Variants in RBFOX1 observed in about 807,000 individuals in gnomAD.
The protein encoded by RBFOX1 is RNA binding protein fox-1 homolog 1.
RBFOX1 carries 8 observed loss-of-function variants against 57.7 expected under a neutral mutation model. That is an observed-to-expected ratio of 0.14 (90% confidence interval 0.08 to 0.25). The LOEUF (loss-of-function observed/expected upper bound fraction) is 0.25. Ranked by LOEUF, RBFOX1 falls within the 10% of genes least tolerant of loss-of-function variation. The pLI is 1.00. For synonymous variants in RBFOX1, 326 were observed against 222.4 expected (o/e 1.47, Z -4.15); for missense variants, 611 against 548.5 (o/e 1.11, Z -1.14).
chr16:7,404,235 T>C (rs1181026222), intron 4 of RBFOX1, among the ~76,000 whole-genome samples: 1 of 151,936 alleles, frequency 6.6e-6, no homozygotes, highest in Non-Finnish European at 1.5e-5. Flanking sequence ...GTATTTTTAG[T>C]ACAGACGGGG....
At chr16:5,311,794 A>G (rs7197326) in intron 1 of RBFOX1, among the ~76,000 whole-genome samples, 37,738 of 152,142 alleles carry the variant, frequency 0.25, 5,362 homozygotes, top group African/African-American at 0.4. Flanking sequence ...GGGAATAATT[A>G]CAGATGCGTT....
intron 3 of RBFOX1, among the ~76,000 whole-genome samples, chr16:5,732,762 C>T (rs2052426889): frequency 6.6e-6 from 1 of 152,146 alleles, no homozygotes. Context: ...TCTCCCAGGT[C>T]CTAGGGGAGG....
chr16:6,255,935 A>G lies in RBFOX1; in HGVS notation c.-126-61060A>G, dbSNP rs111368881. ...GGGAGAGCGTTAGGACAAATACCTA[A>G]TGCATGCGGGGCTTAAAACCTAGAT... On this transcript the variant is annotated intron_variant, in intron 1 of 15. Coordinates refer to ENST00000550418, the MANE Select transcript of RBFOX1 (RefSeq NM_018723.4). Among the ~76,000 whole-genome samples the G allele has an allele frequency of 5.8e-3, 879 of 151,544 alleles. 8 individuals are homozygous for G. Among genetic ancestry groups the G allele is most frequent in the African/African-American group, 0.02 (810 of 41,340 alleles).
At chr16:5,935,346 G>T (rs147906577) in intron 4 of RBFOX1, among the ~76,000 whole-genome samples, 50 of 152,208 alleles carry the variant, frequency 3.3e-4, no homozygotes, top group African/African-American at 1.1e-3. Context: ...TCCATCCTGC[G>T]TGTGGCAGAG....
chr16:7,340,169 C>G (rs544015650), intron 4 of RBFOX1, among the ~76,000 whole-genome samples: 2 of 152,320 alleles, frequency 1.3e-5, no homozygotes, highest in East Asian at 3.9e-4. Context: ...GAGGCCAGAT[C>G]AGGGACCTCT....
chr16:7,112,239 G>C (rs1204465881), intron 4 of RBFOX1, among the ~76,000 whole-genome samples: 1 of 152,116 alleles, frequency 6.6e-6, no homozygotes, highest in East Asian at 1.9e-4. Context: ...GATGGGGTCT[G>C]TCTTCCAGGC....
At chr16:7,572,041 C>T (rs1049179510) in intron 5 of RBFOX1, among the ~76,000 whole-genome samples, 2 of 152,072 alleles carry the variant, frequency 1.3e-5, no homozygotes, top group African/African-American at 2.4e-5. Context: ...GCAGGAGAAT[C>T]GCTTGAACCT....
At chr16:6,830,929 C>A (rs2092662133) in intron 3 of RBFOX1, among the ~76,000 whole-genome samples, 1 of 152,168 alleles carries the variant, frequency 6.6e-6, no homozygotes, top group Admixed American at 6.5e-5. Context: ...GGTCATATAG[C>A]CTGTTGTGAA....
At chr16:6,283,922 G>T (rs901647467) in intron 1 of RBFOX1, among the ~76,000 whole-genome samples, 2 of 152,182 alleles carry the variant, frequency 1.3e-5, no homozygotes, top group Non-Finnish European at 2.9e-5. Flanking sequence ...TTCTTATTTG[G>T]AGGGAACAAG....
chr16:6,440,349 A>G (rs930678233), intron 2 of RBFOX1, among the ~76,000 whole-genome samples: 1 of 152,158 alleles, frequency 6.6e-6, no homozygotes, highest in Admixed American at 6.5e-5. Context: ...GAAGATGGAG[A>G]GAGTAGTACT....
intron 4 of RBFOX1, among the ~76,000 whole-genome samples, chr16:7,361,547 G>T (rs2097321173): frequency 6.6e-6 from 1 of 152,202 alleles, no homozygotes; most frequent in Admixed American, 6.5e-5. Flanking sequence ...AAGGTGGCAG[G>T]TGGCTAAGGA....
rs150194735 is a variant in RBFOX1, at chr16:7,268,391, T to G, written c.27+216293T>G. Among the ~76,000 whole-genome samples, 876 of 152,280 alleles carry G rather than the reference T, an allele frequency of 5.8e-3. 4 individuals carry two copies. Among genetic ancestry groups the G allele is most frequent in the South Asian group, 0.022 (105 of 4,828 alleles). ...GCAGCCTTGGAGGACTCGCTCTCAC[T>G]CTTACTGGTTTTCGATGCCTGAGTT... On this transcript the variant is annotated intron_variant, in intron 4 of 15. Coordinates refer to ENST00000550418, the MANE Select transcript of RBFOX1 (RefSeq NM_018723.4).
intron 2 of RBFOX1, among the ~76,000 whole-genome samples, chr16:6,557,034 C>CACATATATAT (rs1329360578): frequency 1.4e-5 from 1 of 71,040 alleles, no homozygotes; most frequent in Non-Finnish European, 3.2e-5. Flanking sequence ...TACATATATA[C>CACATATATAT]ACATATATAT....
At chr16:5,958,193 C>T (rs547803081) in intron 4 of RBFOX1, among the ~76,000 whole-genome samples, 4 of 152,302 alleles carry the variant, frequency 2.6e-5, no homozygotes, top group Admixed American at 1.3e-4. Flanking sequence ...CAATACTTAT[C>T]AAAGGGGTGC....
chr16:7,058,992 C>T (rs1303622725), intron 4 of RBFOX1, among the ~76,000 whole-genome samples: 1 of 152,122 alleles, frequency 6.6e-6, no homozygotes, highest in Non-Finnish European at 1.5e-5. Context: ...GGTTGTAGAG[C>T]AGATCTGCAT....
At chr16:5,505,632 A>T (rs1208301644) in intron 2 of RBFOX1, among the ~76,000 whole-genome samples, 1 of 152,138 alleles carries the variant, frequency 6.6e-6, no homozygotes, top group Non-Finnish European at 1.5e-5. Context: ...TCCCTGGGTG[A>T]GTGCCTGTGT....
intron 3 of RBFOX1, among the ~76,000 whole-genome samples, chr16:6,742,702 G>C (rs1349072886): frequency 6.6e-6 from 1 of 152,152 alleles, no homozygotes; most frequent in Non-Finnish European, 1.5e-5. Context: ...TGAATCTCAA[G>C]GGCACAATGT....
At chr16:7,292,345 T>A (rs1474625506) in intron 4 of RBFOX1, among the ~76,000 whole-genome samples, 1 of 137,320 alleles carries the variant, frequency 7.3e-6, no homozygotes, top group Non-Finnish European at 1.5e-5. Flanking sequence ...ATGATATATA[T>A]AATATATAAT....
intron 3 of RBFOX1, among the ~76,000 whole-genome samples, chr16:5,619,184 C>T (rs753132477): frequency 4.9e-4 from 74 of 152,250 alleles, no homozygotes; most frequent in African/African-American, 1.6e-3. Context: ...AGGCTATGTT[C>T]GTTCTTAAAA....
Sources: allele counts gnomAD v4.1 joint callset (sites outside exome capture counted in the v4.1 genomes callset), GRCh38; gene constraint gnomAD v4.1.1; transcripts MANE v1.5; gene names NCBI Gene and HGNC (gene_info 2026-07-23, HGNC 2026-07-21).